Variants in PRORP observed in about 807,000 individuals in gnomAD.
The protein encoded by PRORP is mitochondrial ribonuclease P catalytic subunit.
PRORP carries 51 observed loss-of-function variants against 59.4 expected under a neutral mutation model. The observed-to-expected ratio is 0.86, with a 90% CI of 0.69 to 1.08. PRORP has a LOEUF of 1.08. Among genes scored for constraint, PRORP ranks in the 50% least tolerant of loss-of-function variants. The pLI, the probability that PRORP is intolerant of heterozygous loss-of-function variation, is 0.00. For synonymous variants in PRORP, 231 were observed against 245.6 expected (o/e 0.94, Z 0.55); for missense variants, 646 against 690.3 (o/e 0.94, Z 0.72).
chr14:35,122,301 AG>A, upstream of PRORP: 1 of 299,856 alleles, frequency 3.3e-6, no homozygotes, highest in Non-Finnish European at 6.5e-6. Context: ...CACGTGACCC[AG>A]GAGTTCATTA....
intron 5 of PRORP, chr14:35,235,068 C>G (rs1338928119): frequency 4.9e-6 from 2 of 405,044 alleles, no homozygotes; most frequent in Admixed American, 3.2e-5. Flanking sequence ...GGCACTCTTT[C>G]AATGTTACCA....
rs965163493 is a variant in PRORP, at chr14:35,140,590, C to G, written c.1167+12979C>G. ...TGTTTCTATATTCTAGATACAAGTC[C>G]TAAGTCCAATATATTTTACAAATAT... On this transcript the variant is annotated intron_variant, in intron 4 of 7. Coordinates refer to ENST00000534898, the MANE Select transcript of PRORP (RefSeq NM_014672.4). Among the ~76,000 whole-genome samples, 3 of 145,244 alleles carry G rather than the reference C, an allele frequency of 2.1e-5. 1 individual carries two copies. Among genetic ancestry groups the G allele is most frequent in the South Asian group, 2.2e-4 (1 of 4,480 alleles).
At chr14:35,257,270 G>A (rs2050784835) in intron 5 of PRORP, among the ~76,000 whole-genome samples, 1 of 152,134 alleles carries the variant, frequency 6.6e-6, no homozygotes, top group African/African-American at 2.4e-5. Flanking sequence ...AGTACTTCAT[G>A]TTGTCGTGCA....
At chr14:35,156,875 A>G (rs1356725583) in intron 4 of PRORP, among the ~76,000 whole-genome samples, 1 of 152,196 alleles carries the variant, frequency 6.6e-6, no homozygotes, top group East Asian at 1.9e-4. Context: ...GAAAGTTCCT[A>G]TCATAAATTA....
intron 5 of PRORP, among the ~76,000 whole-genome samples, chr14:35,216,216 T>C (rs952174797): frequency 6.7e-6 from 1 of 149,908 alleles, no homozygotes; most frequent in Non-Finnish European, 1.5e-5. Context: ...TTCACTCTTA[T>C]TCAACTTCTT....
At chr14:35,182,298 A>C (rs899248645) in intron 5 of PRORP, among the ~76,000 whole-genome samples, 2 of 152,108 alleles carry the variant, frequency 1.3e-5, no homozygotes, top group Admixed American at 6.6e-5. Flanking sequence ...TGTTTACAAT[A>C]TGTGACAAAG....
chr14:35,206,474 A>G (rs2049297889), intron 5 of PRORP, among the ~76,000 whole-genome samples: 1 of 152,192 alleles, frequency 6.6e-6, no homozygotes, highest in Admixed American at 6.5e-5. Context: ...TGTTTTAATT[A>G]CTGGCCAGGT....
intron 4 of PRORP, among the ~76,000 whole-genome samples, chr14:35,173,989 T>C (rs1199085245): frequency 2.0e-5 from 3 of 152,050 alleles, no homozygotes; most frequent in Non-Finnish European, 4.4e-5. Context: ...ACTTGGGCAT[T>C]CTCAGGATGG....
At chr14:35,200,906 CT>C (rs768648516) in intron 5 of PRORP, among the ~76,000 whole-genome samples, 1 of 152,148 alleles carries the variant, frequency 6.6e-6, no homozygotes, top group Non-Finnish European at 1.5e-5. Flanking sequence ...TTGTTCTCTT[CT>C]GGAATCCCAT....
intron 4 of PRORP, among the ~76,000 whole-genome samples, chr14:35,152,764 G>T (rs368994735): frequency 6.6e-6 from 1 of 151,834 alleles, no homozygotes; most frequent in East Asian, 1.9e-4. Context: ...GGTGGCGGCC[G>T]GGCAGAGGCG....
At chr14:35,194,955 C>CA (rs1288167365) in intron 5 of PRORP, among the ~76,000 whole-genome samples, 1 of 148,566 alleles carries the variant, frequency 6.7e-6, no homozygotes, top group Non-Finnish European at 1.5e-5. Context: ...GCAAGAAAAT[C>CA]ATAATGCTTT....
In PRORP at chr14:35,274,975, T is replaced by G. The variant is rs888518651; in HGVS notation, c.*1409T>G. The G allele has an allele frequency of 6.6e-6, 1 of 152,220 alleles. No homozygotes were observed. The highest frequency in any genetic ancestry group is 1.5e-5 in the Non-Finnish European group (1 of 68,048). The allele number at this position is 152,220 out of a possible 1,614,324, so 9.4% of individuals were successfully genotyped here. On this transcript the variant is annotated 3_prime_UTR_variant, in exon 8 of 8. Coordinates refer to ENST00000534898, the MANE Select transcript of PRORP (RefSeq NM_014672.4). ...CATGTCTGCACCCCTTCATGATAGTTCTTTCTTTACGTATACATACTGTAT... is the reference window on the plus strand; with the variant it reads ...CATGTCTGCACCCCTTCATGATAGTGCTTTCTTTACGTATACATACTGTAT...
rs1174138420 is a variant in PRORP at position 35,143,408 on chromosome 14, C to T, written c.1167+15797C>T. ...AACTCCTGACCTCAAGTGATCCAGC[C>T]GCCTCGGCTTCCCAAAGTGCTGGGA... On this transcript the variant is annotated intron_variant, in intron 4 of 7. Transcript: ENST00000534898. 2.8e-5 allele frequency among the ~76,000 whole-genome samples: 4 copies of T among 144,142 alleles called. 1 individual carries two copies. Among genetic ancestry groups the T allele is most frequent in the Non-Finnish European group, 6.2e-5 (4 of 64,884 alleles). 94.6% of individuals were successfully genotyped at this position (144,142 alleles called of 152,430 possible).
Position 35,141,639 on chromosome 14 carries a change from A to G in PRORP, c.1167+14028A>G, listed in dbSNP as rs1341475301. Among the ~76,000 whole-genome samples, 2 of 145,552 alleles carry G rather than the reference A, an allele frequency of 1.4e-5. 1 individual carries two copies. The highest frequency in any genetic ancestry group is 4.6e-4 in the East Asian group (2 of 4,366). ...CAACTACAAAGATAATAATTCTTTA[A>G]TATTTTCATTAGAGAAAATTTCAAA... is the stretch of plus-strand genomic sequence containing the variant. On this transcript the variant is annotated intron_variant, in intron 4 of 7. Transcript: ENST00000534898.
At chr14:35,153,728 T>C (rs76892544) in intron 4 of PRORP, among the ~76,000 whole-genome samples, 10,701 of 152,256 alleles carry the variant, frequency 0.07, 501 homozygotes, top group Non-Finnish European at 0.11. Context: ...CGAAATAAAA[T>C]TGGTTGTTTA....
At chr14:35,199,212 G>A (rs1414925487) in intron 5 of PRORP, among the ~76,000 whole-genome samples, 1 of 151,712 alleles carries the variant, frequency 6.6e-6, no homozygotes, top group East Asian at 1.9e-4. Flanking sequence ...GTGCGTGCCT[G>A]TAGTCCCAGC....
intron 5 of PRORP, among the ~76,000 whole-genome samples, chr14:35,184,263 A>C (rs1451531813): frequency 6.6e-6 from 1 of 152,144 alleles, no homozygotes; most frequent in Non-Finnish European, 1.5e-5. Context: ...TTAAGGAACT[A>C]AAAAAAGAAA....
chr14:35,199,334 A>T (rs1428167844), intron 5 of PRORP, among the ~76,000 whole-genome samples: 1 of 130,116 alleles, frequency 7.7e-6, no homozygotes, highest in Admixed American at 7.4e-5. Flanking sequence ...ACTCCATCTA[A>T]AAAAAAAAAA....
At chr14:35,204,225 G>T (rs1409363797) in intron 5 of PRORP, among the ~76,000 whole-genome samples, 1 of 152,090 alleles carries the variant, frequency 6.6e-6, no homozygotes, top group Non-Finnish European at 1.5e-5. Context: ...CTGGAAAGTA[G>T]TGTTGGGAAA....
Sources: allele counts gnomAD v4.1 joint callset (sites outside exome capture counted in the v4.1 genomes callset), GRCh38; gene constraint gnomAD v4.1.1; transcripts MANE v1.5; gene names NCBI Gene and HGNC (gene_info 2026-07-23, HGNC 2026-07-21).